ACSS1: variants seen among roughly 807,000 people sequenced by gnomAD.
The protein encoded by ACSS1 is acetyl-coenzyme A synthetase 2-like, mitochondrial.
A neutral mutation model predicts 75.3 loss-of-function variants in ACSS1; 42 were observed. That is an observed-to-expected ratio of 0.56 (90% CI 0.44 to 0.72). ACSS1 has a LOEUF of 0.72. Among genes scored for constraint, ACSS1 ranks in the 30% least tolerant of loss-of-function variants. ACSS1 has a pLI of 0.00. For missense variants in ACSS1, 782 were observed against 935.7 expected (o/e 0.84, Z 2.14); for synonymous variants, 380 against 376.8 (o/e 1.01, Z -0.10).
At chr20:25,013,400 A>G in intron 10 of ACSS1, 136 bp downstream of exon 10, 1 of 1,213,004 alleles carries the variant, frequency 8.2e-7, no homozygotes, top group East Asian at 2.6e-5. Context: ...GTGCGGAGTC[A>G]AACTCTGGCC....
chr20:25,013,772 C>G (rs2088464178), intron 9 of ACSS1, 110 bp from the exon 10 acceptor site: 1 of 1,452,344 alleles, frequency 6.9e-7, no homozygotes. Flanking sequence ...TCCCCTCTGC[C>G]CCTGAGGAGG....
chr20:25,007,622 C>T lies in ACSS1; in HGVS notation c.*140G>A, dbSNP rs145788725. The T allele has an allele frequency of 3.5e-5, 53 of 1,500,070 alleles. No individual in the cohort carries two copies. The Middle Eastern group carries it at 7.5e-4, about 21-fold the overall frequency. The allele number at this position is 1,500,070 out of a possible 1,614,324, so 92.9% of individuals were successfully genotyped here. On this transcript the variant is annotated 3_prime_UTR_variant, in exon 14 of 14. Transcript: ENST00000323482. ...AGAAAGGGCTCTCAGCCCAGCTTCA[C>T]GTGAGGGCGGTGTGGGTCATGTGTG... is the stretch of plus-strand genomic sequence containing the variant.
intron 7 of ACSS1, among the ~76,000 whole-genome samples, chr20:25,019,775 G>A (rs775852969): frequency 6.6e-6 from 1 of 152,194 alleles, no homozygotes; most frequent in Non-Finnish European, 1.5e-5. Flanking sequence ...CAGAAACAAC[G>A]GCACAGAAAA....
At chr20:25,025,617 G>C (rs1216898486) in intron 3 of ACSS1, among the ~76,000 whole-genome samples, 2 of 152,172 alleles carry the variant, frequency 1.3e-5, no homozygotes. Context: ...GGCTCTGGGG[G>C]AGTATCCACC....
At chr20:25,010,941 G>A (rs2088397246) in intron 12 of ACSS1, 1 of 152,112 alleles carries the variant, frequency 6.6e-6, no homozygotes, top group Non-Finnish European at 1.5e-5. Context: ...AGAGAGTGGG[G>A]ACAAATATAC....
chr20:25,023,046 C>G lies in ACSS1; in HGVS notation c.854G>C (p.Ser285Thr), dbSNP rs746706156. 6.2e-6 allele frequency: 10 copies of G among 1,613,988 alleles called. No homozygotes were observed. The African/African-American group carries it at 6.7e-5, about 11-fold the overall frequency. Residue 285 changes from serine to threonine, a missense_variant, in exon 5 of 14, where the codon AGT becomes ACT. Around this residue, in one of 2 missense-constraint regions of ACSS1, gnomAD observed 405 missense variants for 552.6 expected, o/e 0.73. Coordinates refer to ENST00000323482, the MANE Select transcript of ACSS1 (RefSeq NM_032501.4). ...DPVCAPESMGSEDMLFMLYTS... is the reference protein window; with the variant it reads ...DPVCAPESMGTEDMLFMLYTS... ...GTACAGCATGAAGAGCATGTCCTCA[C>G]TGCCCATGCTCTCTGGGGCGCAAAC...
At chr20:25,046,639 T>C in intron 2 of ACSS1, 1 of 604,540 alleles carries the variant, frequency 1.7e-6, no homozygotes, top group Non-Finnish European at 3.0e-6. Context: ...ACTGAAGAAC[T>C]ACTCCAGGGG....
At chr20:25,057,231 G>A (rs2089254835) in intron 1 of ACSS1, among the ~76,000 whole-genome samples, 1 of 152,180 alleles carries the variant, frequency 6.6e-6, no homozygotes, top group Non-Finnish European at 1.5e-5. Context: ...CAGCTGCCAC[G>A]CCGAGTTTCC....
chr20:25,021,527 C>A lies in ACSS1; in HGVS notation c.970G>T (p.Asp324Tyr). 2 of 1,613,724 alleles carry A rather than the reference C, an allele frequency of 1.2e-6. No individual in the cohort carries two copies. The highest frequency in any genetic ancestry group is 2.2e-5 in the South Asian group (2 of 91,006). The change falls in exon 6 of 14, where the codon GAC becomes TAC. Residue 324 changes from aspartate to tyrosine, a missense_variant. Asp to Tyr is a radical substitution (Grantham distance 160). Coordinates refer to ENST00000323482, the MANE Select transcript of ACSS1 (RefSeq NM_032501.4). ...YAALTHKLVF[D>Y]HQPGDIFGCV... is the part of the protein sequence containing the mutation. ...CCAAAGATGTCACCTGGCTGGTGGT[C>A]AAACACAAGCTGCAGAGACAGGAAA...
Position 25,013,552 on chromosome 20 carries a change from G to A in ACSS1, c.1563C>T (p.Tyr521=), listed in dbSNP as rs1343677171. 1.2e-6 allele frequency: 2 copies of A among 1,601,306 alleles called. No individual in the cohort carries two copies. Among genetic ancestry groups the A allele is most frequent in the African/African-American group, 1.3e-5 (1 of 74,730 alleles). ...CCTGCTCACCTGGGTAGGCCTTGAA[G>A]TAGGCGTCCACAAATCGCTGGTGGT... ...YGDHQRFVDA[Y]FKAYPGYYFT... The change falls in exon 10 of 14, where the codon TAC becomes TAT. Residue 521 remains tyrosine, a synonymous_variant. Transcript: ENST00000323482.
intron 13 of ACSS1, 118 bp downstream of exon 13, chr20:25,009,152 C>T: frequency 1.1e-6 from 1 of 922,784 alleles, no homozygotes; most frequent in East Asian, 2.4e-5. Context: ...AACCAAACAG[C>T]TAGTGTCCGT....
chr20:25,040,797 T>C (rs2088988350), intron 2 of ACSS1, among the ~76,000 whole-genome samples: 1 of 152,096 alleles, frequency 6.6e-6, no homozygotes, highest in Non-Finnish European at 1.5e-5. Context: ...TCCTCCTCTA[T>C]CTTTGCAGCC....
Position 25,008,090 on chromosome 20 carries a change from G to T in ACSS1, c.1891-149C>A, listed in dbSNP as rs976233247. The stretch of plus-strand genomic sequence containing the variant: ...TGTCTAAGCCTCCACCCCAGAGAAC[G>T]GTGAGGCCCGAGGTCTTGGCTTTAT... On this transcript the variant is annotated intron_variant, in intron 13 of 13. Coordinates refer to ENST00000323482, the MANE Select transcript of ACSS1 (RefSeq NM_032501.4). The T allele has an allele frequency of 1.0e-5, 11 of 1,059,256 alleles. 1 individual carries two copies. The East Asian group carries it at 2.9e-4, about 28-fold the overall frequency. The allele number at this position is 1,059,256 out of a possible 1,614,324, so 65.6% of individuals were successfully genotyped here. A position where few individuals can be genotyped will look rare whatever the true frequency, so the allele number is the denominator to read the frequency against.
chr20:25,053,168 A>G (rs971365947), intron 1 of ACSS1, among the ~76,000 whole-genome samples: 1 of 144,222 alleles, frequency 6.9e-6, no homozygotes, highest in Non-Finnish European at 1.5e-5. Flanking sequence ...GGCTCAAGGG[A>G]TCCTCCCACC....
intron 3 of ACSS1, among the ~76,000 whole-genome samples, chr20:25,026,780 G>A (rs554631311): frequency 2.6e-5 from 4 of 152,324 alleles, no homozygotes; most frequent in Non-Finnish European, 5.9e-5. Context: ...CCAGGAACCT[G>A]GTACCTGCAG....
chr20:25,014,756 C>A lies in ACSS1; in HGVS notation c.1339+382G>T, dbSNP rs117814961. Among the ~76,000 whole-genome samples the A allele has an allele frequency of 2.1e-4, 32 of 152,312 alleles. No individual in the cohort carries two copies. In the East Asian group the frequency reaches 4.8e-3, roughly 23 times the overall value. The stretch of plus-strand genomic sequence containing the variant: ...TGCTCCCTTAGAAGATGGGGCCTGT[C>A]TCATCAGATGTTCCCCTGTTCAGAA... On this transcript the variant is annotated intron_variant, in intron 8 of 13. Coordinates refer to ENST00000323482, the MANE Select transcript of ACSS1 (RefSeq NM_032501.4).
chr20:25,042,509 A>T (rs578064811), intron 2 of ACSS1, among the ~76,000 whole-genome samples: 1 of 152,230 alleles, frequency 6.6e-6, no homozygotes, highest in Non-Finnish European at 1.5e-5. Context: ...CCGCTGTGTC[A>T]CACACGGGTC....
Position 25,041,506 on chromosome 20 carries a change from A to G in ACSS1, c.431+6579T>C, listed in dbSNP as rs370257181. 1.6e-3 allele frequency among the ~76,000 whole-genome samples: 247 copies of G among 152,274 alleles called. 1 individual carries two copies. The highest frequency in any genetic ancestry group is 5.6e-3 in the African/African-American group (233 of 41,556). On this transcript the variant is annotated intron_variant, in intron 2 of 13. Coordinates refer to ENST00000323482, the MANE Select transcript of ACSS1 (RefSeq NM_032501.4). ...GCAGCCCTTGTCCCCAGGCCACCGCACGTGGCCTTGCAGCTCATCCCTGTT... is the reference window on the plus strand; with the variant it reads ...GCAGCCCTTGTCCCCAGGCCACCGCGCGTGGCCTTGCAGCTCATCCCTGTT...
In ACSS1 at chr20:25,048,511, C is replaced by T. The variant is rs1313689616; in HGVS notation, c.335-330G>A. ...TCCTGGGCCTTCAAAGCCTCAAAGC[C>T]CCCATGGTTGGTTCTGATGTGCAGC... is the stretch of plus-strand genomic sequence containing the variant. On this transcript the variant is annotated intron_variant, in intron 1 of 13. Transcript: ENST00000323482. 2.0e-5 allele frequency among the ~76,000 whole-genome samples: 3 copies of T among 152,304 alleles called. No individual in the cohort carries two copies. The East Asian group carries it at 5.8e-4, about 29-fold the overall frequency.
Sources: gnomAD v4.1 joint callset for allele counts (sites outside exome capture counted in the v4.1 genomes callset) on GRCh38, gnomAD v4.1.1 for gene constraint, gnomAD v4.1.1 regional missense constraint, MANE v1.5 for transcripts, NCBI Gene and HGNC (gene_info 2026-07-23, HGNC 2026-07-21) for gene names.